Variants in WWOX observed in about 807,000 individuals in gnomAD.
WWOX encodes the protein WW domain-containing oxidoreductase.
WWOX carries 69 observed loss-of-function variants against 46.2 expected under a neutral mutation model. The observed-to-expected ratio is 1.49, with a 90% CI of 1.23 to 1.82. The LOEUF (loss-of-function observed/expected upper bound fraction) is 1.82, where lower values mean the gene tolerates loss of function less well. Ranked by LOEUF, WWOX falls within the 40% of genes most tolerant of loss-of-function variation. The pLI, the probability that WWOX is intolerant of heterozygous loss-of-function variation, is 0.00. For missense variants in WWOX, 919 were observed against 542.6 expected, an observed-to-expected ratio of 1.69 and a Z score of -6.89; for synonymous variants, 359 against 202.6, an observed-to-expected ratio of 1.77 and a Z score of -6.56.
At chr16:78,237,703 G>C (rs2037490249) in intron 5 of WWOX, 1 of 152,204 alleles carries the variant, frequency 6.6e-6, no homozygotes, top group South Asian at 2.1e-4. Context: ...GAATAAAGAG[G>C]AGAATATTAT....
intron 8 of WWOX, among the ~76,000 whole-genome samples, chr16:78,719,183 C>T (rs1215379456): frequency 1.3e-5 from 2 of 152,160 alleles, no homozygotes; most frequent in Admixed American, 6.5e-5. Flanking sequence ...TGTTTTCTTG[C>T]CTGAACCTGA....
At chr16:79,207,980 G>T (rs1008953889) in intron 8 of WWOX, among the ~76,000 whole-genome samples, 9 of 152,270 alleles carry the variant, frequency 5.9e-5, no homozygotes, top group African/African-American at 2.2e-4. Context: ...GGATAATTTA[G>T]ATCTGAGGGC....
intron 8 of WWOX, among the ~76,000 whole-genome samples, chr16:78,581,952 T>G (rs2045067042): frequency 6.6e-6 from 1 of 152,332 alleles, no homozygotes; most frequent in African/African-American, 2.4e-5. Context: ...TCCTAGCATC[T>G]GTGAAAATTG....
chr16:79,039,577 T>C (rs774505569), intron 8 of WWOX, among the ~76,000 whole-genome samples: 19 of 152,236 alleles, frequency 1.2e-4, no homozygotes, highest in Non-Finnish European at 2.2e-4. Flanking sequence ...ATTGTCACTG[T>C]TGCCAGATGC....
chr16:78,205,125 T>A (rs1488604370), intron 5 of WWOX, among the ~76,000 whole-genome samples: 8 of 152,142 alleles, frequency 5.3e-5, no homozygotes, highest in Non-Finnish European at 1.0e-4. Context: ...ATTAAAGAAC[T>A]CTGTGGTGAG....
At chr16:79,173,188 C>T (rs1158132489) in intron 8 of WWOX, among the ~76,000 whole-genome samples, 1 of 152,222 alleles carries the variant, frequency 6.6e-6, no homozygotes, top group Admixed American at 6.5e-5. Context: ...TACGTCACTG[C>T]AGAGTGAACC....
chr16:78,891,345 C>G (rs1054151628), intron 8 of WWOX: 5 of 152,136 alleles, frequency 3.3e-5, no homozygotes, highest in African/African-American at 7.2e-5. Context: ...TGTAAGGACT[C>G]TAAACGATTG....
chr16:78,537,698 C>G (rs1449760603), intron 8 of WWOX, among the ~76,000 whole-genome samples: 2 of 152,060 alleles, frequency 1.3e-5, no homozygotes. Flanking sequence ...AGGGTCCCAG[C>G]TGCCACAGTT....
chr16:78,609,625 G>A (rs945592565), intron 8 of WWOX, among the ~76,000 whole-genome samples: 1 of 151,650 alleles, frequency 6.6e-6, no homozygotes, highest in Non-Finnish European at 1.5e-5. Flanking sequence ...GCTCTTGGGG[G>A]CTTCCTGGTC....
chr16:78,108,561 G>C, intron 2 of WWOX, 74 bp downstream of exon 2: 1 of 1,552,076 alleles, frequency 6.4e-7, no homozygotes, highest in South Asian at 1.1e-5. Flanking sequence ...GCAGAGAGGT[G>C]ACAGGTTATT....
At chr16:78,798,952 G>A (rs1042862761) in intron 8 of WWOX, among the ~76,000 whole-genome samples, 2 of 152,100 alleles carry the variant, frequency 1.3e-5, no homozygotes, top group African/African-American at 2.4e-5. Flanking sequence ...TGTTGGGGCC[G>A]GTGGTGCCTT....
At chr16:78,322,408 C>G (rs756015649) in intron 5 of WWOX, among the ~76,000 whole-genome samples, 24 of 152,186 alleles carry the variant, frequency 1.6e-4, no homozygotes, top group Non-Finnish European at 3.1e-4. Flanking sequence ...CTAGCACTCA[C>G]TGAGTGTTCG....
chr16:78,897,996 T>C (rs2044741275), intron 8 of WWOX: 1 of 132,262 alleles, frequency 7.6e-6, no homozygotes, highest in African/African-American at 3.3e-5. Flanking sequence ...ATTGGCCATT[T>C]TCTAAAAATT....
At chr16:78,706,467 C>G (rs923450141) in intron 8 of WWOX, among the ~76,000 whole-genome samples, 2 of 152,178 alleles carry the variant, frequency 1.3e-5, no homozygotes, top group Admixed American at 6.5e-5. Flanking sequence ...ATCTCTGTTG[C>G]TTTCCTGGGG....
chr16:79,050,287 TG>T (rs1330043114), intron 8 of WWOX, among the ~76,000 whole-genome samples: 2 of 152,196 alleles, frequency 1.3e-5, no homozygotes, highest in East Asian at 3.9e-4. Context: ...TTGCATCAGC[TG>T]GGCTTTCTGC....
chr16:78,471,066 C>G (rs923622425), intron 8 of WWOX, among the ~76,000 whole-genome samples: 9 of 152,210 alleles, frequency 5.9e-5, no homozygotes, highest in African/African-American at 2.2e-4. Flanking sequence ...CCTTCCTACC[C>G]TGGATGCTGA....
In WWOX at chr16:78,432,339, C is replaced by G. The variant is rs950315254; in HGVS notation, c.792-149C>G. ...CAGGCTGGTCTTGAACTCCCGACCT[C>G]AGGTGATCCACTCGTCTAAGACTCC... On this transcript the variant is annotated intron_variant, in intron 7 of 8. Coordinates refer to ENST00000566780, the MANE Select transcript of WWOX (RefSeq NM_016373.4). 2.2e-5 allele frequency: 23 copies of G among 1,039,596 alleles called. No homozygotes were observed. In the Admixed American group the frequency reaches 3.2e-4, roughly 14 times the overall value. The allele number at this position is 1,039,596 out of a possible 1,614,324, so 64.4% of individuals were successfully genotyped here.
intron 8 of WWOX, among the ~76,000 whole-genome samples, chr16:78,870,355 G>A (rs1365835367): frequency 6.6e-6 from 1 of 151,802 alleles, no homozygotes; most frequent in Non-Finnish European, 1.5e-5. Flanking sequence ...AGAATCACAA[G>A]GTCCATTAAA....
chr16:79,077,890 C>A (rs1184181950), intron 8 of WWOX: 1 of 152,156 alleles, frequency 6.6e-6, no homozygotes, highest in Non-Finnish European at 1.5e-5. Context: ...ACTCAACTCT[C>A]CCGAGAGGCA....
Sources: allele counts gnomAD v4.1 joint callset (sites outside exome capture counted in the v4.1 genomes callset), GRCh38; gene constraint gnomAD v4.1.1; transcripts MANE v1.5; gene names NCBI Gene and HGNC (gene_info 2026-07-23, HGNC 2026-07-21).